The following GRHL2 variants were observed in gnomAD, a reference collection of about 807,000 sequenced individuals.
GRHL2 encodes grainyhead like transcription factor 2.
In GRHL2, 21 loss-of-function variants were observed where a neutral mutation model predicts 83.8. That is an observed-to-expected ratio of 0.25 (90% CI 0.18 to 0.36). The LOEUF is 0.36. Ranked by LOEUF, GRHL2 falls within the 10% of genes least tolerant of loss-of-function variation. The pLI is 1.00. For missense variants in GRHL2, 623 were observed against 781.8 expected (o/e 0.80, Z 2.42); for synonymous variants, 280 against 278.9 (o/e 1.00, Z -0.04).
intron 7 of GRHL2, among the ~76,000 whole-genome samples, chr8:101,578,928 C>T (rs891543420): frequency 3.9e-5 from 6 of 152,168 alleles, no homozygotes; most frequent in South Asian, 2.1e-4. Flanking sequence ...TCCTCACCTC[C>T]GCATCACACA....
intron 1 of GRHL2, among the ~76,000 whole-genome samples, chr8:101,526,560 A>G (rs1222567496): frequency 2.1e-5 from 3 of 140,790 alleles, no homozygotes; most frequent in Admixed American, 7.3e-5. Flanking sequence ...TGAAAGCTCA[A>G]ATTTTACCAT....
intron 14 of GRHL2, among the ~76,000 whole-genome samples, chr8:101,662,608 T>C (rs1293523524): frequency 1.3e-5 from 2 of 152,172 alleles, no homozygotes; most frequent in Non-Finnish European, 2.9e-5. Context: ...GCTGCTGGGC[T>C]CAGAAGGGGC....
intron 7 of GRHL2, among the ~76,000 whole-genome samples, chr8:101,587,018 A>G (rs1405315163): frequency 1.3e-5 from 2 of 152,210 alleles, no homozygotes; most frequent in Non-Finnish European, 1.5e-5. Context: ...TCATAAACAA[A>G]GGTAAATGTC....
chr8:101,540,896 A>T (rs1811139040), intron 1 of GRHL2, among the ~76,000 whole-genome samples: 1 of 151,944 alleles, frequency 6.6e-6, no homozygotes, highest in Non-Finnish European at 1.5e-5. Flanking sequence ...TTGTATAGTG[A>T]TGAAGTCTAG....
chr8:101,677,152 T>C, the GRHL2 span, among the ~76,000 whole-genome samples: 1 of 151,976 alleles, frequency 6.6e-6, no homozygotes, highest in South Asian at 2.1e-4. Context: ...GCATGGCACA[T>C]GTATACATAT....
the GRHL2 span, among the ~76,000 whole-genome samples, chr8:101,676,573 G>C: frequency 6.6e-6 from 1 of 152,174 alleles, no homozygotes; most frequent in Non-Finnish European, 1.5e-5. Context: ...AGGTGCTGGA[G>C]AGGATGTAGA....
intron 2 of GRHL2, 76 bp from the exon 3 acceptor site, chr8:101,552,639 T>C (rs1563576737): frequency 7.2e-7 from 1 of 1,391,240 alleles, no homozygotes; most frequent in Non-Finnish European, 1.0e-6. Flanking sequence ...TTTCTTTGCT[T>C]ATGCCGGTGT....
chr8:101,505,122 T>C (rs1798000986), intron 1 of GRHL2, among the ~76,000 whole-genome samples: 1 of 152,172 alleles, frequency 6.6e-6, no homozygotes, highest in South Asian at 2.1e-4. Context: ...AGGTATACAT[T>C]TTGGCCGTGT....
chr8:101,560,939 T>C (rs1811595297), intron 4 of GRHL2, among the ~76,000 whole-genome samples: 1 of 152,184 alleles, frequency 6.6e-6, no homozygotes, highest in Admixed American at 6.5e-5. Context: ...TTAGCCTTTT[T>C]GTTTTTTTAA....
intron 1 of GRHL2, among the ~76,000 whole-genome samples, chr8:101,508,771 T>A (rs986885735): frequency 2.0e-5 from 3 of 152,152 alleles, no homozygotes; most frequent in African/African-American, 7.2e-5. Flanking sequence ...TATTTGACTA[T>A]ATGATTTATA....
chr8:101,678,189 G>A, the GRHL2 span, among the ~76,000 whole-genome samples: 1 of 152,162 alleles, frequency 6.6e-6, no homozygotes, highest in African/African-American at 2.4e-5. Flanking sequence ...ATCTCACTAG[G>A]GAGTGCCAGG....
chr8:101,529,096 A>G, intron 1 of GRHL2: 1 of 383,180 alleles, frequency 2.6e-6, no homozygotes, highest in Non-Finnish European at 5.1e-6. Flanking sequence ...AGGGATTTCT[A>G]TGGGGCTTTG....
At chr8:101,522,748 TATAC>T (rs1563562873) in intron 1 of GRHL2, among the ~76,000 whole-genome samples, 13 of 140,232 alleles carry the variant, frequency 9.3e-5, no homozygotes, top group Non-Finnish European at 1.7e-4. Flanking sequence ...CATATATATA[TATAC>T]ACACACATAT....
At chr8:101,527,396 T>G (rs1055565087) in intron 1 of GRHL2, among the ~76,000 whole-genome samples, 1 of 152,216 alleles carries the variant, frequency 6.6e-6, no homozygotes, top group Non-Finnish European at 1.5e-5. Context: ...AGACAGAGTC[T>G]TGCTTTGTTG....
At chr8:101,639,157 C>T (rs563234499) in intron 12 of GRHL2, among the ~76,000 whole-genome samples, 50 of 152,312 alleles carry the variant, frequency 3.3e-4, no homozygotes, top group African/African-American at 1.1e-3. Context: ...AGATGGCCAT[C>T]GACCTACTTG....
chr8:101,660,355 C>A (rs2129750777), intron 14 of GRHL2, among the ~76,000 whole-genome samples: 1 of 152,340 alleles, frequency 6.6e-6, no homozygotes, highest in African/African-American at 2.4e-5. Flanking sequence ...TGTCACTCCT[C>A]TTTTGCCTTG....
At chr8:101,677,193 C>A in the GRHL2 span, among the ~76,000 whole-genome samples, 1 of 141,740 alleles carries the variant, frequency 7.1e-6, no homozygotes, top group African/African-American at 2.8e-5. Context: ...GCACATGTAC[C>A]CTAAAACTTA....
intron 7 of GRHL2, among the ~76,000 whole-genome samples, chr8:101,587,746 A>C (rs1812197125): frequency 6.6e-6 from 1 of 152,182 alleles, no homozygotes; most frequent in Admixed American, 6.5e-5. Context: ...AATGACCAAA[A>C]AAAAACCTAG....
chr8:101,505,759 G>T (rs905030839), intron 1 of GRHL2, among the ~76,000 whole-genome samples: 40 of 152,044 alleles, frequency 2.6e-4, no homozygotes, highest in African/African-American at 8.7e-4. Context: ...TTTGCATTTC[G>T]ATTTTGTTCA....
Sources: allele counts gnomAD v4.1 joint callset (sites outside exome capture counted in the v4.1 genomes callset), GRCh38; gene constraint gnomAD v4.1.1; transcripts MANE v1.5; gene names NCBI Gene and HGNC (gene_info 2026-07-23, HGNC 2026-07-21).